ALKBH8: variants seen among roughly 807,000 people sequenced by gnomAD.
The protein encoded by ALKBH8 is tRNA (carboxymethyluridine(34)-5-O)-methyltransferase ALKBH8.
In ALKBH8, 36 loss-of-function variants were observed where a neutral mutation model predicts 59.8. That is an observed-to-expected ratio of 0.60 (90% CI 0.46 to 0.79). The LOEUF (loss-of-function observed/expected upper bound fraction) is 0.79. Among genes scored for constraint, ALKBH8 ranks in the 30% least tolerant of loss-of-function variants. The pLI is 0.00. For synonymous variants in ALKBH8, 276 were observed against 273.6 expected, an observed-to-expected ratio of 1.01 and a Z score of -0.09; for missense variants, 768 against 801.0, an observed-to-expected ratio of 0.96 and a Z score of 0.50.
intron 10 of ALKBH8, among the ~76,000 whole-genome samples, chr11:107,516,034 G>C (rs578202375): frequency 6.6e-6 from 1 of 152,288 alleles, no homozygotes; most frequent in African/African-American, 2.4e-5. Context: ...ACCTTTTCCT[G>C]AGTACGCATA....
In ALKBH8 at chr11:107,511,071, T is replaced by A. The variant is rs1862603767; in HGVS notation, c.1288-35A>T. On this transcript the variant is annotated intron_variant, in intron 10 of 11. Coordinates refer to ENST00000428149, the MANE Select transcript of ALKBH8 (RefSeq NM_138775.3). ...AGAAGGAATTCCATAACATTTTGTT[T>A]AAATTTCACATGAAATTAAGAACTA... 3 of 1,547,118 alleles carry A rather than the reference T, an allele frequency of 1.9e-6. No homozygotes were observed. The African/African-American group carries it at 4.1e-5, about 21-fold the overall frequency.
At chr11:107,530,602 C>CACACACACAG in intron 8 of ALKBH8, among the ~76,000 whole-genome samples, 1 of 8,246 alleles carries the variant, frequency 1.2e-4, no homozygotes, top group East Asian at 1.6e-3. Context: ...CTCTTCCTAA[C>CACACACACAG]ACACACACAC....
rs371673860 is a variant in ALKBH8 at position 107,505,350 on chromosome 11, G to C, written c.1438-135C>G. 34 of 765,370 alleles carry C rather than the reference G, an allele frequency of 4.4e-5. No homozygotes were observed. The East Asian group carries it at 6.0e-4, about 14-fold the overall frequency. 47.4% of individuals were successfully genotyped at this position (765,370 alleles called of 1,614,324 possible). ...CAAAATATCTTATGTAAAACAAAAA[G>C]GAAAAAAAGAAGAAAGAGCATTCTG... is the stretch of plus-strand genomic sequence containing the variant. On this transcript the variant is annotated intron_variant, in intron 11 of 11. Coordinates refer to ENST00000428149, the MANE Select transcript of ALKBH8 (RefSeq NM_138775.3).
At chr11:107,511,664 C>G (rs370192873) in intron 10 of ALKBH8, among the ~76,000 whole-genome samples, 1 of 152,222 alleles carries the variant, frequency 6.6e-6, no homozygotes, top group East Asian at 1.9e-4. Flanking sequence ...GCAACCTCCA[C>G]GTCCTGGGTT....
At position 107,533,854 on chromosome 11, in the gene ALKBH8, C is replaced by T. The variant is rs191044453; in HGVS notation, c.772-1448G>A. Among the ~76,000 whole-genome samples, 415 of 152,236 alleles carry T rather than the reference C, an allele frequency of 2.7e-3. 2 individuals carry two copies. The highest frequency in any genetic ancestry group is 9.1e-3 in the African/African-American group (377 of 41,550). The stretch of plus-strand genomic sequence containing the variant: ...ATGAAAATATTCATAATTGGCTGAG[C>T]GTGGTGGCTCATGCCTGTAATCCCA... On this transcript the variant is annotated intron_variant, in intron 7 of 11. Transcript: ENST00000428149.
intron 9 of ALKBH8, among the ~76,000 whole-genome samples, chr11:107,523,293 CT>C (rs1454050690): frequency 6.6e-6 from 1 of 152,094 alleles, no homozygotes; most frequent in East Asian, 1.9e-4. Flanking sequence ...AGAAGGAAAT[CT>C]TGCCATTTAC....
At chr11:107,506,277 T>C (rs991648501) in intron 11 of ALKBH8, among the ~76,000 whole-genome samples, 4 of 152,140 alleles carry the variant, frequency 2.6e-5, no homozygotes, top group Non-Finnish European at 5.9e-5. Flanking sequence ...TTATACTTTA[T>C]CTGCTTCTCC....
intron 3 of ALKBH8, among the ~76,000 whole-genome samples, chr11:107,555,728 C>T (rs1864680242): frequency 6.6e-6 from 1 of 152,146 alleles, no homozygotes; most frequent in African/African-American, 2.4e-5. Flanking sequence ...TAAAACAGGG[C>T]TCTTTTACTG....
At chr11:107,537,738 G>T (rs1863879475) in intron 7 of ALKBH8, among the ~76,000 whole-genome samples, 1 of 151,822 alleles carries the variant, frequency 6.6e-6, no homozygotes, top group African/African-American at 2.4e-5. Flanking sequence ...AAAAAAATTT[G>T]GTGATTCCAT....
chr11:107,556,972 T>C lies in ALKBH8; in HGVS notation c.161A>G (p.Asn54Ser). The change falls in exon 3 of 12, where the codon AAT becomes AGT. Residue 54 changes from asparagine (N) to serine (S), a missense_variant. Transcript: ENST00000428149. ...GAGCAGCTGGTTCCGACTCACACCA[T>C]TACCCAAACCACCATTGGCAACAAC... ...SLVVANGGLG[N>S]GVSRNQLLPV... 1 of 1,600,110 alleles carries C rather than the reference T, an allele frequency of 6.2e-7. No individual in the cohort carries two copies. The highest frequency in any genetic ancestry group is 1.1e-5 in the South Asian group (1 of 88,398).
chr11:107,557,929 C>A (rs1269704652), intron 2 of ALKBH8, among the ~76,000 whole-genome samples: 1 of 152,110 alleles, frequency 6.6e-6, no homozygotes, highest in East Asian at 1.9e-4. Flanking sequence ...CAAAAGAAAG[C>A]CATGGATGGC....
chr11:107,532,172 GA>G (rs764115685), intron 8 of ALKBH8, 127 bp downstream of exon 8: 12 of 616,238 alleles, frequency 1.9e-5, no homozygotes, highest in Middle Eastern at 3.8e-4. Flanking sequence ...AAACTAGATA[GA>G]TGCCCCTAGG....
intron 10 of ALKBH8, among the ~76,000 whole-genome samples, chr11:107,515,448 T>A (rs1396537433): frequency 6.6e-6 from 1 of 152,132 alleles, no homozygotes; most frequent in Non-Finnish European, 1.5e-5. Context: ...CTTGGTCTCC[T>A]GGACTCAAGT....
intron 9 of ALKBH8, among the ~76,000 whole-genome samples, chr11:107,523,693 C>A (rs1003718905): frequency 1.3e-5 from 2 of 151,004 alleles, no homozygotes; most frequent in Non-Finnish European, 2.9e-5. Flanking sequence ...ACCTCCGCCT[C>A]CTGGGTTCAA....
At position 107,565,587 on chromosome 11, in the gene ALKBH8, G is replaced by A. The variant is rs1172828076; in HGVS notation, c.-7+14C>T. 1 of 1,535,610 alleles carries A rather than the reference G, an allele frequency of 6.5e-7. No individual in the cohort carries two copies. Among genetic ancestry groups the A allele is most frequent in the East Asian group, 2.4e-5 (1 of 40,912 alleles). ...TTGCTGCCCGTATGCCCGCCAGTAA[G>A]AAGTGCCACACACCTCCGCTTCGGC... On this transcript the variant is annotated intron_variant, in intron 1 of 11. Transcript: ENST00000428149.
At position 107,532,461 on chromosome 11, in the gene ALKBH8, G is replaced by A. The variant is rs1433513673; in HGVS notation, c.772-55C>T. On this transcript the variant is annotated intron_variant, in intron 7 of 11. Coordinates refer to ENST00000428149, the MANE Select transcript of ALKBH8 (RefSeq NM_138775.3). ...AATCCAAAATTTCATATACTCCAAG[G>A]ATAAGAATGATTAATAGAGTTTGGC... The A allele has an allele frequency of 4.5e-6, 6 of 1,327,862 alleles. No homozygotes were observed. In the East Asian group the frequency reaches 7.0e-5, roughly 15 times the overall value. 82.3% of individuals were successfully genotyped at this position (1,327,862 alleles called of 1,614,324 possible).
At position 107,505,201 on chromosome 11, in the gene ALKBH8, T is replaced by C. The variant is rs1862330697; in HGVS notation, c.1452A>G (p.Ala484=). The C allele has an allele frequency of 1.9e-6, 3 of 1,545,524 alleles. No homozygotes were observed. The highest frequency in any genetic ancestry group is 1.7e-6 in the Non-Finnish European group (2 of 1,143,746). ...HHFATAERRV[A]ALQEIVRLLR... ...GGAGTCGAACAATTTCTTGGAGAGC[T>C]GCCACTCTACGCTCCTAATGAAAAA... The change falls in exon 12 of 12, where the codon GCA becomes GCG. Residue 484 remains alanine (A), a synonymous_variant. Transcript: ENST00000428149.
In ALKBH8 at chr11:107,504,504, G is replaced by A. The variant is rs1862293004; in HGVS notation, c.*154C>T. 3 of 873,524 alleles carry A rather than the reference G, an allele frequency of 3.4e-6. No homozygotes were observed. Among genetic ancestry groups the A allele is most frequent in the East Asian group, 2.6e-5 (1 of 37,930 alleles). The allele number at this position is 873,524 out of a possible 1,614,324, so 54.1% of individuals were successfully genotyped here. A position where few individuals can be genotyped will look rare whatever the true frequency, so the allele number is the denominator to read the frequency against. ...GTCAGCCAACAGGAGACATTTGAAT[G>A]TCTCCTAATGAATCCCTACTTCCAA... On this transcript the variant is annotated 3_prime_UTR_variant, in exon 12 of 12. Coordinates refer to ENST00000428149, the MANE Select transcript of ALKBH8 (RefSeq NM_138775.3).
At chr11:107,564,018 G>A (rs1865037911) in intron 1 of ALKBH8, among the ~76,000 whole-genome samples, 1 of 152,170 alleles carries the variant, frequency 6.6e-6, no homozygotes, top group Admixed American at 6.5e-5. Context: ...GAGGTCTGGA[G>A]GTGCCCCCTT....
Sources: gnomAD v4.1 joint callset for allele counts (sites outside exome capture counted in the v4.1 genomes callset) on GRCh38, gnomAD v4.1.1 for gene constraint, MANE v1.5 for transcripts, NCBI Gene and HGNC (gene_info 2026-07-23, HGNC 2026-07-21) for gene names.